KAZN: variants seen among roughly 807,000 people sequenced by gnomAD.
KAZN encodes kazrin.
In KAZN, 40 loss-of-function variants were observed where a neutral mutation model predicts 87.4. The ratio of observed to expected loss-of-function variants is 0.46; its 90% CI spans 0.36 to 0.60. The LOEUF (loss-of-function observed/expected upper bound fraction) is 0.60, where lower values mean the gene tolerates loss of function less well. KAZN is among the 20% of genes least tolerant of loss of function. KAZN has a pLI of 0.00. For synonymous variants in KAZN, 466 were observed against 458.3 expected (o/e 1.02, Z -0.22); for missense variants, 898 against 1,073.9 (o/e 0.84, Z 2.29).
intron 2 of KAZN, among the ~76,000 whole-genome samples, chr1:14,250,563 A>G (rs996521477): frequency 6.6e-6 from 1 of 151,886 alleles, no homozygotes; most frequent in Non-Finnish European, 1.5e-5. Context: ...ATATTATGAG[A>G]GTTAAAAAAA....
intron 2 of KAZN, among the ~76,000 whole-genome samples, chr1:14,403,981 G>A (rs191946988): frequency 2.1e-4 from 32 of 152,290 alleles, no homozygotes; most frequent in Admixed American, 1.5e-3. Context: ...AGTGAAATGC[G>A]TAAGGTTTTA....
At chr1:15,045,722 C>A in intron 4 of KAZN, among the ~76,000 whole-genome samples, 1 of 152,110 alleles carries the variant, frequency 6.6e-6, no homozygotes, top group East Asian at 1.9e-4. Context: ...ATAATCATGG[C>A]GGAAGGCAAA....
Position 15,114,791 on chromosome 1 carries a change from C to T in KAZN, c.*156C>T, listed in dbSNP as rs1163759744. ...CCGATGGACTCTGCGGTTTCAGCTC[C>T]ACAGCGCCCAGGAGAGAGAAGACAC... is the stretch of plus-strand genomic sequence containing the variant. On this transcript the variant is annotated 3_prime_UTR_variant, in exon 15 of 15. Coordinates refer to ENST00000376030, the MANE Select transcript of KAZN (RefSeq NM_201628.3). 6.8e-5 allele frequency: 47 copies of T among 691,216 alleles called. No individual in the cohort carries two copies. The highest frequency in any genetic ancestry group is 7.1e-6 in the Non-Finnish European group (3 of 423,312). 42.8% of individuals were successfully genotyped at this position (691,216 alleles called of 1,614,324 possible).
rs79276164 is a variant in KAZN at position 14,907,559 on chromosome 1, G to C, written c.227-53125G>C. Among the ~76,000 whole-genome samples the C allele has an allele frequency of 7.9e-3, 1,196 of 152,272 alleles. 20 individuals are homozygous for C. The highest frequency in any genetic ancestry group is 0.027 in the African/African-American group (1,140 of 41,536). Reference sequence around the variant, plus strand: ...TGCCCGAAGACCCTTGGATGCCTAAGAGGGCCAATTGAGTTTGCAAAAAGC... The same window carrying C: ...TGCCCGAAGACCCTTGGATGCCTAACAGGGCCAATTGAGTTTGCAAAAAGC... On this transcript the variant is annotated intron_variant, in intron 1 of 14. Transcript: ENST00000376030.
chr1:14,751,109 T>A (rs868191245), intron 1 of KAZN, among the ~76,000 whole-genome samples: 3 of 152,206 alleles, frequency 2.0e-5, no homozygotes, highest in East Asian at 1.9e-4. Flanking sequence ...TTGATTTTTT[T>A]AAAAAGCTTT....
intron 1 of KAZN, among the ~76,000 whole-genome samples, chr1:14,136,092 T>A (rs1334938688): frequency 6.6e-6 from 1 of 152,024 alleles, no homozygotes; most frequent in East Asian, 1.9e-4. Flanking sequence ...AGGGTCTTTG[T>A]GGAAAACCCA....
chr1:14,976,293 T>TAC (rs1238557471), intron 2 of KAZN, among the ~76,000 whole-genome samples: 1 of 152,164 alleles, frequency 6.6e-6, no homozygotes, highest in Non-Finnish European at 1.5e-5. Context: ...CTCAGCCTCC[T>TAC]GAGTAGCTGG....
chr1:13,997,130 C>T (rs1186760202), intron 1 of KAZN, among the ~76,000 whole-genome samples: 1 of 151,662 alleles, frequency 6.6e-6, no homozygotes, highest in African/African-American at 2.4e-5. Context: ...AGGGACTTGA[C>T]CATTGAAAGA....
intron 2 of KAZN, among the ~76,000 whole-genome samples, chr1:15,006,925 C>T (rs931527494): frequency 6.6e-6 from 1 of 151,832 alleles, no homozygotes; most frequent in East Asian, 1.9e-4. Context: ...GGCATGGTGG[C>T]GGGCACCTGT....
chr1:14,282,218 G>A (rs1652895161), intron 2 of KAZN, among the ~76,000 whole-genome samples: 1 of 152,170 alleles, frequency 6.6e-6, no homozygotes, highest in Non-Finnish European at 1.5e-5. Flanking sequence ...CACTGGACAG[G>A]ACAGGCACAG....
intron 2 of KAZN, among the ~76,000 whole-genome samples, chr1:14,405,651 T>C (rs1481654175): frequency 1.3e-5 from 2 of 151,612 alleles, no homozygotes; most frequent in Non-Finnish European, 2.9e-5. Flanking sequence ...TGTGTGTTTA[T>C]ACAGAGAGAG....
rs374419689 is a variant in KAZN at position 14,814,352 on chromosome 1, G to A, written c.227-146332G>A. ...AGTGATTCTCCTGCCTCAGCCTCCCGAGTATCTCCCACGCCACCAAGCACA... is the reference window on the plus strand; with the variant it reads ...AGTGATTCTCCTGCCTCAGCCTCCCAAGTATCTCCCACGCCACCAAGCACA... On this transcript the variant is annotated intron_variant, in intron 1 of 14. Transcript: ENST00000376030. 2.4e-4 allele frequency among the ~76,000 whole-genome samples: 36 copies of A among 152,126 alleles called. No homozygotes were observed. In the East Asian group the frequency reaches 2.5e-3, roughly 11 times the overall value.
chr1:14,959,928 T>C (rs1663643159), intron 1 of KAZN, among the ~76,000 whole-genome samples: 1 of 152,196 alleles, frequency 6.6e-6, no homozygotes, highest in Non-Finnish European at 1.5e-5. Context: ...AGACACCGTG[T>C]TCTCCTTGGC....
intron 1 of KAZN, among the ~76,000 whole-genome samples, chr1:14,653,123 G>A (rs1238382946): frequency 1.3e-5 from 2 of 152,186 alleles, no homozygotes; most frequent in Non-Finnish European, 2.9e-5. Context: ...ATAGGTGTTT[G>A]TGGTCATTTC....
chr1:14,738,343 G>A (rs899691873), intron 1 of KAZN, among the ~76,000 whole-genome samples: 2 of 152,096 alleles, frequency 1.3e-5, no homozygotes, highest in Non-Finnish European at 2.9e-5. Context: ...TGCTTTTGAA[G>A]CTGCCTTTGT....
intron 2 of KAZN, among the ~76,000 whole-genome samples, chr1:15,026,569 TTC>T (rs1242194994): frequency 6.6e-6 from 1 of 152,106 alleles, no homozygotes; most frequent in Non-Finnish European, 1.5e-5. Flanking sequence ...AGCTGTGTCT[TTC>T]TGAGGTTCTC....
intron 1 of KAZN, among the ~76,000 whole-genome samples, chr1:14,690,084 C>T (rs1641194794): frequency 6.6e-6 from 1 of 152,128 alleles, no homozygotes; most frequent in Non-Finnish European, 1.5e-5. Context: ...AACACCGTCA[C>T]CTCCTACAAT....
intron 1 of KAZN, among the ~76,000 whole-genome samples, chr1:14,865,431 A>G (rs1651337793): frequency 1.3e-5 from 2 of 152,146 alleles, no homozygotes; most frequent in Non-Finnish European, 2.9e-5. Flanking sequence ...TTAAGACAAG[A>G]TCTTTGCGCC....
intron 1 of KAZN, among the ~76,000 whole-genome samples, chr1:14,701,556 C>A (rs915478972): frequency 6.6e-6 from 1 of 152,176 alleles, no homozygotes; most frequent in African/African-American, 2.4e-5. Context: ...ACTTTGGAGG[C>A]CAAGGCAGGT....
Sources: allele counts gnomAD v4.1 joint callset (sites outside exome capture counted in the v4.1 genomes callset), GRCh38; gene constraint gnomAD v4.1.1; transcripts MANE v1.5; gene names NCBI Gene and HGNC (gene_info 2026-07-23, HGNC 2026-07-21).